The following TUBB4B variants were observed in gnomAD, a reference collection of about 807,000 sequenced individuals.
The protein encoded by TUBB4B is tubulin beta 4B class IVb, also known as tubulin beta-4B chain.
TUBB4B carries 7 observed loss-of-function variants against 34.3 expected under a neutral mutation model. The ratio of observed to expected loss-of-function variants is 0.20; its 90% CI spans 0.12 to 0.38. The LOEUF is 0.38. Ranked by LOEUF, TUBB4B falls within the 10% of genes least tolerant of loss-of-function variation. The probability of loss-of-function intolerance (pLI) is 1.00; values close to 1 mark genes in which losing one functional copy is unlikely to be tolerated. For synonymous variants in TUBB4B, 390 were observed against 250.2 expected, an observed-to-expected ratio of 1.56 and a Z score of -5.27; for missense variants, 178 against 610.9, an observed-to-expected ratio of 0.29 and a Z score of 7.47.
In TUBB4B at chr9:137,241,328, T is replaced by C. The variant is rs754495800; in HGVS notation, c.-33T>C. The C allele has an allele frequency of 3.8e-6, 6 of 1,590,038 alleles. No homozygotes were observed. Among genetic ancestry groups the C allele is most frequent in the Non-Finnish European group, 2.6e-6 (3 of 1,174,246 alleles). Reference sequence around the variant, plus strand: ...GCTCTTCTGCTGCTGTTTGTCTACTTCCTCCTGCTTCCCCGCCGCCGCCGC... The same window carrying C: ...GCTCTTCTGCTGCTGTTTGTCTACTCCCTCCTGCTTCCCCGCCGCCGCCGC... On this transcript the variant is annotated 5_prime_UTR_variant, in exon 1 of 4. Transcript: ENST00000340384.
chr9:137,241,296 C>G lies in TUBB4B; in HGVS notation c.-65C>G. 1.2e-5 allele frequency: 19 copies of G among 1,553,730 alleles called. No homozygotes were observed. Among genetic ancestry groups the G allele is most frequent in the Non-Finnish European group, 1.6e-5 (18 of 1,154,964 alleles). ...GCGGAGCGTCGGTTGTAGCACTCTGCGCGCCCGCTCTTCTGCTGCTGTTTG... is the reference window on the plus strand; with the variant it reads ...GCGGAGCGTCGGTTGTAGCACTCTGGGCGCCCGCTCTTCTGCTGCTGTTTG... On this transcript the variant is annotated 5_prime_UTR_variant, in exon 1 of 4. Coordinates refer to ENST00000340384, the MANE Select transcript of TUBB4B (RefSeq NM_006088.6).
At chr9:137,242,369 C>A in intron 3 of TUBB4B, 127 bp from the exon 4 acceptor site, 1 of 1,171,552 alleles carries the variant, frequency 8.5e-7, no homozygotes, top group Non-Finnish European at 1.2e-6. Flanking sequence ...TTGAAGGGTC[C>A]GTTTGCTCTA....
chr9:137,241,352 G>A lies in TUBB4B; in HGVS notation c.-9G>A. Reference sequence around the variant, plus strand: ...TTCCTCCTGCTTCCCCGCCGCCGCCGCCGCCATCATGAGGGAAATCGTGCA... The same window carrying A: ...TTCCTCCTGCTTCCCCGCCGCCGCCACCGCCATCATGAGGGAAATCGTGCA... On this transcript the variant is annotated 5_prime_UTR_variant, in exon 1 of 4. Coordinates refer to ENST00000340384, the MANE Select transcript of TUBB4B (RefSeq NM_006088.6). 3.1e-6 allele frequency: 5 copies of A among 1,599,210 alleles called. No individual in the cohort carries two copies. Among genetic ancestry groups the A allele is most frequent in the Admixed American group, 1.7e-5 (1 of 59,766 alleles).
At position 137,241,990 on chromosome 9, in the gene TUBB4B, G is replaced by A. The variant is rs1836755989; in HGVS notation, c.246G>A (p.Gly82=). The change falls in exon 3 of 4, where the codon GGG becomes GGA. Residue 82 remains glycine, a synonymous_variant. Transcript: ENST00000340384. ...TMDSVRSGPF[G]QIFRPDNFVF... ...ACTCCGTGCGCTCGGGGCCCTTCGGGCAGATCTTCCGGCCGGACAACTTCG... is the reference window on the plus strand; with the variant it reads ...ACTCCGTGCGCTCGGGGCCCTTCGGACAGATCTTCCGGCCGGACAACTTCG... 1 of 1,610,890 alleles carries A rather than the reference G, an allele frequency of 6.2e-7. No homozygotes were observed. Among genetic ancestry groups the A allele is most frequent in the Non-Finnish European group, 8.5e-7 (1 of 1,179,750 alleles).
chr9:137,241,549 G>C, intron 1 of TUBB4B, 132 bp downstream of exon 1: 1 of 907,908 alleles, frequency 1.1e-6, no homozygotes, highest in Non-Finnish European at 1.3e-6. Context: ...GCGGGGAATT[G>C]GCCGAGCCGG....
In TUBB4B at chr9:137,241,904, C is replaced by G. The variant is rs1310451307; in HGVS notation, c.167-7C>G. The G allele has an allele frequency of 6.2e-7, 1 of 1,610,916 alleles. No individual in the cohort carries two copies. The highest frequency in any genetic ancestry group is 8.5e-7 in the Non-Finnish European group (1 of 1,179,008). On this transcript the variant is annotated splice_polypyrimidine_tract_variant and splice_region_variant and intron_variant, in intron 2 of 3. Coordinates refer to ENST00000340384, the MANE Select transcript of TUBB4B (RefSeq NM_006088.6). Reference sequence around the variant, plus strand: ...CTGCCTTGGCTGACGCCCTCCCGTCCCCGCAGGCGGCAAGTACGTGCCCCG... The same window carrying G: ...CTGCCTTGGCTGACGCCCTCCCGTCGCCGCAGGCGGCAAGTACGTGCCCCG...
At chr9:137,242,337 G>C (rs745524671) in intron 3 of TUBB4B, 159 bp from the exon 4 acceptor site, 1 of 884,808 alleles carries the variant, frequency 1.1e-6, no homozygotes, top group Admixed American at 2.9e-5. Flanking sequence ...TTCGTAGCAG[G>C]GCAGGCTGCC....
chr9:137,242,218 C>T (rs867406124), intron 3 of TUBB4B, 197 bp downstream of exon 3: 10 of 672,190 alleles, frequency 1.5e-5, no homozygotes, highest in Non-Finnish European at 2.2e-5. Flanking sequence ...ACGTAATCTC[C>T]CTGCAGGGAG....
At position 137,243,548 on chromosome 9, in the gene TUBB4B, G is replaced by A. The variant is rs1319501751; in HGVS notation, c.1330G>A (p.Val444Met). 5.0e-6 allele frequency: 8 copies of A among 1,613,994 alleles called. No homozygotes were observed. Among genetic ancestry groups the A allele is most frequent in the Admixed American group, 1.7e-5 (1 of 60,024 alleles). The change falls in exon 4 of 4, where the codon GTG becomes ATG. Residue 444 changes from valine (V) to methionine (M), a missense_variant. Physicochemically the swap from Val to Met is conservative, Grantham distance 21 (BLOSUM62 1). Coordinates refer to ENST00000340384, the MANE Select transcript of TUBB4B (RefSeq NM_006088.6). ...GTTCGAGGAGGAGGCTGAGGAGGAGGTGGCCTAGAGCCTTCAGTCACTGGG... is the reference window on the plus strand; with the variant it reads ...GTTCGAGGAGGAGGCTGAGGAGGAGATGGCCTAGAGCCTTCAGTCACTGGG... ...GEFEEEAEEE[V>M]A
At position 137,243,175 on chromosome 9, in the gene TUBB4B, C is replaced by T. The variant is rs749121959; in HGVS notation, c.957C>T (p.Gly319=). ...RYLTVAAVFR[G]RMSMKEVDEQ... ...TGACGGTTGCCGCCGTGTTCAGGGG[C>T]CGCATGTCCATGAAGGAGGTGGATG... The change falls in exon 4 of 4, where the codon GGC becomes GGT. Residue 319 remains glycine, a synonymous_variant. Coordinates refer to ENST00000340384, the MANE Select transcript of TUBB4B (RefSeq NM_006088.6). 6.2e-7 allele frequency: 1 copy of T among 1,613,110 alleles called. No individual in the cohort carries two copies. Among genetic ancestry groups the T allele is most frequent in the South Asian group, 1.1e-5 (1 of 91,084 alleles).
Position 137,242,560 on chromosome 9 carries a change from C to T in TUBB4B, c.342C>T (p.Asp114=), listed in dbSNP as rs1289191291. 2.5e-6 allele frequency: 4 copies of T among 1,613,870 alleles called. No individual in the cohort carries two copies. The highest frequency in any genetic ancestry group is 2.2e-5 in the South Asian group (2 of 91,088). The change falls in exon 4 of 4, where the codon GAC becomes GAT. Residue 114 remains aspartate, a synonymous_variant. Transcript: ENST00000340384. ...GHYTEGAELV[D]SVLDVVRKEA... is the part of the protein sequence containing the mutation. Reference sequence around the variant, plus strand: ...ACACAGAAGGCGCGGAGCTGGTGGACTCGGTGCTGGATGTTGTGAGAAAGG... The same window carrying T: ...ACACAGAAGGCGCGGAGCTGGTGGATTCGGTGCTGGATGTTGTGAGAAAGG...
chr9:137,242,237 G>T (rs1564426487), intron 3 of TUBB4B: 2 of 657,172 alleles, frequency 3.0e-6, no homozygotes, highest in African/African-American at 3.6e-5. Flanking sequence ...AGCTGAGCTG[G>T]GGCAGTGGCT....
At position 137,243,106 on chromosome 9, in the gene TUBB4B, C is replaced by G; in HGVS notation, c.888C>G (p.Ala296=). 6.2e-7 allele frequency: 1 copy of G among 1,613,000 alleles called. No homozygotes were observed. Among genetic ancestry groups the G allele is most frequent in the Non-Finnish European group, 8.5e-7 (1 of 1,180,034 alleles). ...VPELTQQMFD[A]KNMMAACDPR... ...AGCTCACCCAGCAGATGTTTGATGC[C>G]AAGAACATGATGGCTGCCTGCGACC... Residue 296 remains alanine (A), a synonymous_variant, in exon 4 of 4, where the codon GCC becomes GCG. Coordinates refer to ENST00000340384, the MANE Select transcript of TUBB4B (RefSeq NM_006088.6).
At chr9:137,242,199 C>T (rs758348793) in intron 3 of TUBB4B, 178 bp downstream of exon 3, 8 of 692,846 alleles carry the variant, frequency 1.2e-5, no homozygotes, top group Non-Finnish European at 1.7e-5. Context: ...AGGCGAGGAG[C>T]CGCCACACAC....
chr9:137,242,256 G>T (rs936012815), intron 3 of TUBB4B: 3 of 666,188 alleles, frequency 4.5e-6, no homozygotes, highest in Non-Finnish European at 7.6e-6. Context: ...CTGTTCCTCT[G>T]TCCTTGGGAA....
Position 137,243,683 on chromosome 9 carries a change from C to A in TUBB4B, c.*127C>A, listed in dbSNP as rs765421295. The stretch of plus-strand genomic sequence containing the variant: ...TGTCCACATCCATGCTGTACAGACA[C>A]CACCATTAAAGCATTTTCATAGTGT... On this transcript the variant is annotated 3_prime_UTR_variant, in exon 4 of 4. Transcript: ENST00000340384. 2.5e-6 allele frequency: 4 copies of A among 1,614,086 alleles called. No homozygotes were observed. Among genetic ancestry groups the A allele is most frequent in the South Asian group, 1.1e-5 (1 of 91,088 alleles).
Position 137,241,289 on chromosome 9 carries a change from C to A in TUBB4B, c.-72C>A. On this transcript the variant is annotated 5_prime_UTR_variant, in exon 1 of 4. Coordinates refer to ENST00000340384, the MANE Select transcript of TUBB4B (RefSeq NM_006088.6). ...AGCGTTGGCGGAGCGTCGGTTGTAG[C>A]ACTCTGCGCGCCCGCTCTTCTGCTG... 1.9e-6 allele frequency: 3 copies of A among 1,539,874 alleles called. No homozygotes were observed. Among genetic ancestry groups the A allele is most frequent in the Non-Finnish European group, 1.7e-6 (2 of 1,146,096 alleles).
chr9:137,241,954 C>G lies in TUBB4B; in HGVS notation c.210C>G (p.Pro70=), dbSNP rs11545613. 6.2e-7 allele frequency: 1 copy of G among 1,611,498 alleles called. No individual in the cohort carries two copies. Among genetic ancestry groups the G allele is most frequent in the Non-Finnish European group, 8.5e-7 (1 of 1,179,708 alleles). ...GCGCCGTGCTCGTGGATCTGGAGCC[C>G]GGCACCATGGACTCCGTGCGCTCGG... ...VPRAVLVDLE[P]GTMDSVRSGP... The change falls in exon 3 of 4, where the codon CCC becomes CCG. Residue 70 remains proline (P), a synonymous_variant. Transcript: ENST00000340384.
chr9:137,243,546 A>T lies in TUBB4B; in HGVS notation c.1328A>T (p.Glu443Val), dbSNP rs1427088627. Residue 443 changes from glutamate (E) to valine (V), a missense_variant, in exon 4 of 4, where the codon GAG (glutamate) becomes GTG (valine). By Grantham distance (121) the Glu-to-Val change is moderately radical (BLOSUM62 -2). Coordinates refer to ENST00000340384, the MANE Select transcript of TUBB4B (RefSeq NM_006088.6). ...EGEFEEEAEE[E>V]VA ...GAGTTCGAGGAGGAGGCTGAGGAGG[A>T]GGTGGCCTAGAGCCTTCAGTCACTG... 5.0e-6 allele frequency: 8 copies of T among 1,613,988 alleles called. No homozygotes were observed. The highest frequency in any genetic ancestry group is 4.5e-5 in the East Asian group (2 of 44,890).
Sources: allele counts gnomAD v4.1 joint callset, GRCh38; gene constraint gnomAD v4.1.1; transcripts MANE v1.5; gene names NCBI Gene and HGNC (gene_info 2026-07-23, HGNC 2026-07-21).